DNAI3: variants seen among roughly 807,000 people sequenced by gnomAD.
The protein encoded by DNAI3 is dynein axonemal intermediate chain 3.
DNAI3 carries 83 observed loss-of-function variants against 115.5 expected under a neutral mutation model. The observed-to-expected ratio is 0.72, with a 90% CI of 0.60 to 0.86. DNAI3 has a LOEUF of 0.86. DNAI3 is among the 40% of genes least tolerant of loss of function. The pLI is 0.00. For missense variants in DNAI3, 1,004 were observed against 1,075.8 expected (o/e 0.93, Z 0.93); for synonymous variants, 320 against 347.0 (o/e 0.92, Z 0.86).
chr1:85,133,037 T>C lies in DNAI3; in HGVS notation c.*39T>C. 1 of 1,582,128 alleles carries C rather than the reference T, an allele frequency of 6.3e-7. No homozygotes were observed. The highest frequency in any genetic ancestry group is 8.5e-7 in the Non-Finnish European group (1 of 1,169,760). On this transcript the variant is annotated 3_prime_UTR_variant, in exon 23 of 23. Coordinates refer to ENST00000294664, the MANE Select transcript of DNAI3 (RefSeq NM_145172.5). ...AGGGGTGTTTTGGGGACTTCTTCCC[T>C]CTATTTATTTTTATGTCAGGTGAAC... is the stretch of plus-strand genomic sequence containing the variant.
chr1:85,129,536 C>A (rs1656252194), intron 21 of DNAI3, among the ~76,000 whole-genome samples: 1 of 151,932 alleles, frequency 6.6e-6, no homozygotes, highest in Non-Finnish European at 1.5e-5. Flanking sequence ...TTGATACTCT[C>A]ATCTGGGTTT....
chr1:85,105,312 G>T (rs980577853), intron 14 of DNAI3, among the ~76,000 whole-genome samples: 1 of 152,122 alleles, frequency 6.6e-6, no homozygotes, highest in Non-Finnish European at 1.5e-5. Context: ...GTGACTACAG[G>T]CAATGAGAAT....
intron 13 of DNAI3, among the ~76,000 whole-genome samples, chr1:85,101,222 T>G (rs1265202362): frequency 6.6e-6 from 1 of 152,130 alleles, no homozygotes; most frequent in Non-Finnish European, 1.5e-5. Context: ...ATACCAGTTT[T>G]AAGAGGTATT....
intron 12 of DNAI3, 117 bp downstream of exon 12, chr1:85,097,772 A>G: frequency 5.4e-6 from 4 of 735,002 alleles, no homozygotes; most frequent in Non-Finnish European, 8.0e-6. Flanking sequence ...AAAAAAAAAA[A>G]GAATGTTATT....
At chr1:85,070,336 G>A (rs1654230495) in intron 1 of DNAI3, among the ~76,000 whole-genome samples, 1 of 152,116 alleles carries the variant, frequency 6.6e-6, no homozygotes, top group Non-Finnish European at 1.5e-5. Context: ...CATTTGCAAT[G>A]AAACACAGCA....
intron 20 of DNAI3, 71 bp from the exon 21 acceptor site, chr1:85,128,637 T>C: frequency 1.5e-6 from 2 of 1,309,190 alleles, no homozygotes; most frequent in East Asian, 4.7e-5. Flanking sequence ...AAAAACATAC[T>C]TCATGTTTAA....
chr1:85,068,847 A>G (rs1006767914), intron 1 of DNAI3, among the ~76,000 whole-genome samples: 1 of 152,194 alleles, frequency 6.6e-6, no homozygotes, highest in Non-Finnish European at 1.5e-5. Context: ...ATAGAATGTG[A>G]ACAGGAGGCA....
At chr1:85,127,773 G>A (rs958839697) in intron 20 of DNAI3, among the ~76,000 whole-genome samples, 4 of 152,214 alleles carry the variant, frequency 2.6e-5, no homozygotes, top group Middle Eastern at 3.4e-3. Context: ...GCAATTTGAA[G>A]CAGACCTACT....
intron 13 of DNAI3, chr1:85,099,248 A>G (rs1258251245): frequency 1.5e-5 from 15 of 985,286 alleles, no homozygotes; most frequent in Non-Finnish European, 1.8e-5. Context: ...CCTCAAGGGC[A>G]TTAAAGATCT....
At chr1:85,076,779 C>T (rs761729931) in intron 3 of DNAI3, among the ~76,000 whole-genome samples, 3 of 152,128 alleles carry the variant, frequency 2.0e-5, no homozygotes, top group Non-Finnish European at 4.4e-5. Flanking sequence ...ACAGCAAAAC[C>T]ATATTAACAA....
chr1:85,126,538 G>C lies in DNAI3; in HGVS notation c.2140G>C (p.Ala714Pro). Residue 714 changes from alanine to proline, a missense_variant, in exon 20 of 23, where the codon GCA becomes CCA. Transcript: ENST00000294664. ...TGGACCGCTCCTTCAGTCATGCTGT[G>C]CACCAAAAAGGTACACCTCAGGCCA... ...MTGPLLQSCC[A>P]PKRYTSGHWS... is the part of the protein sequence containing the mutation. 3 of 1,613,978 alleles carry C rather than the reference G, an allele frequency of 1.9e-6. No individual in the cohort carries two copies. Among genetic ancestry groups the C allele is most frequent in the South Asian group, 1.1e-5 (1 of 91,070 alleles).
chr1:85,072,674 G>A (rs1557706116), intron 2 of DNAI3, among the ~76,000 whole-genome samples: 1 of 143,948 alleles, frequency 6.9e-6, no homozygotes, highest in Non-Finnish European at 1.5e-5. Flanking sequence ...AAAAAAGATT[G>A]GCCGGGCACA....
chr1:85,082,494 A>G, intron 5 of DNAI3, 90 bp downstream of exon 5: 5 of 995,074 alleles, frequency 5.0e-6, no homozygotes, highest in Admixed American at 2.1e-5. Context: ...CACCCAGGCT[A>G]GAGTGCAGTG....
intron 13 of DNAI3, among the ~76,000 whole-genome samples, chr1:85,099,765 A>G (rs1391501890): frequency 2.0e-5 from 3 of 152,256 alleles, no homozygotes; most frequent in Non-Finnish European, 4.4e-5. Flanking sequence ...TACTGGTGCC[A>G]AAACAGAGAT....
intron 18 of DNAI3, 65 bp from the exon 19 acceptor site, chr1:85,124,056 A>T: frequency 1.2e-6 from 2 of 1,604,102 alleles, no homozygotes; most frequent in African/African-American, 2.7e-5. Flanking sequence ...AGGTCTGTCC[A>T]TTCCTCACTG....
intron 7 of DNAI3, among the ~76,000 whole-genome samples, chr1:85,087,434 C>CAAAAAAAAAAAAAAAAAAAAA (rs1162431713): frequency 4.7e-4 from 22 of 46,646 alleles, no homozygotes; most frequent in Non-Finnish European, 6.7e-4. Flanking sequence ...GACTCCATCT[C>CAAAAAAAAAAAAAAAAAAAAA]AAAAAAAAAA....
At chr1:85,093,673 C>T (rs779184386) in intron 9 of DNAI3, 25 bp downstream of exon 9, 10 of 1,612,936 alleles carry the variant, frequency 6.2e-6, no homozygotes, top group South Asian at 1.1e-5. Flanking sequence ...ATGGGGATTC[C>T]CTTTTGTGAT....
intron 1 of DNAI3, among the ~76,000 whole-genome samples, chr1:85,068,910 C>T (rs963764382): frequency 1.3e-5 from 2 of 152,184 alleles, no homozygotes; most frequent in African/African-American, 4.8e-5. Flanking sequence ...GTTCCATTAG[C>T]TCTCTTGCTT....
intron 3 of DNAI3, among the ~76,000 whole-genome samples, chr1:85,073,962 T>A (rs1284506559): frequency 6.6e-6 from 1 of 152,076 alleles, no homozygotes; most frequent in African/African-American, 2.4e-5. Context: ...CTAATGTAAG[T>A]GGCTCTGTTA....
Sources: allele counts gnomAD v4.1 joint callset (sites outside exome capture counted in the v4.1 genomes callset), GRCh38; gene constraint gnomAD v4.1.1; transcripts MANE v1.5; gene names NCBI Gene and HGNC (gene_info 2026-07-23, HGNC 2026-07-21).